The following PCCA variants were observed in gnomAD, a reference collection of about 807,000 sequenced individuals.
The protein encoded by PCCA is propionyl-CoA carboxylase subunit alpha.
PCCA carries 74 observed loss-of-function variants against 101.3 expected under a neutral mutation model. That is an observed-to-expected ratio of 0.73 (90% CI 0.61 to 0.89). The LOEUF is 0.89. PCCA is among the 40% of genes least tolerant of loss of function. The probability of loss-of-function intolerance (pLI) is 0.00; values close to 1 mark genes in which losing one functional copy is unlikely to be tolerated. For missense variants in PCCA, 891 were observed against 907.0 expected, an observed-to-expected ratio of 0.98 and a Z score of 0.23; for synonymous variants, 294 against 313.6, an observed-to-expected ratio of 0.94 and a Z score of 0.66.
intron 2 of PCCA, among the ~76,000 whole-genome samples, chr13:100,111,636 T>TTAA (rs1417296118): frequency 6.6e-6 from 1 of 152,186 alleles, no homozygotes; most frequent in Admixed American, 6.5e-5. Context: ...GTTATACTAT[T>TTAA]TAATAACCTA....
chr13:100,328,619 T>A (rs1265486196), intron 16 of PCCA, among the ~76,000 whole-genome samples: 1 of 150,900 alleles, frequency 6.6e-6, no homozygotes, highest in African/African-American at 2.4e-5. Flanking sequence ...ACTGTAGTTA[T>A]GAAAATAGGT....
At chr13:100,219,420 C>T (rs1156370450) in intron 7 of PCCA, among the ~76,000 whole-genome samples, 1 of 152,088 alleles carries the variant, frequency 6.6e-6, no homozygotes, top group African/African-American at 2.4e-5. Context: ...AGTGTTTGAT[C>T]TGGAAATTCT....
intron 21 of PCCA, among the ~76,000 whole-genome samples, chr13:100,478,508 C>T (rs890620287): frequency 6.6e-6 from 1 of 152,206 alleles, no homozygotes; most frequent in African/African-American, 2.4e-5. Flanking sequence ...GGTGGGAAGA[C>T]CTGTGTCCCC....
chr13:100,520,458 A>AC (rs1371878144), intron 22 of PCCA, among the ~76,000 whole-genome samples: 3 of 151,450 alleles, frequency 2.0e-5, no homozygotes, highest in Non-Finnish European at 4.4e-5. Context: ...CCACGGTGAA[A>AC]CCCCGTCTCT....
At chr13:100,405,920 C>T (rs944326829) in intron 19 of PCCA, among the ~76,000 whole-genome samples, 1 of 152,058 alleles carries the variant, frequency 6.6e-6, no homozygotes, top group Non-Finnish European at 1.5e-5. Flanking sequence ...GTGTGCGCCA[C>T]CATGCCCAGC....
At chr13:100,118,497 T>C (rs973246672) in intron 4 of PCCA, among the ~76,000 whole-genome samples, 3 of 152,234 alleles carry the variant, frequency 2.0e-5, no homozygotes, top group Non-Finnish European at 4.4e-5. Flanking sequence ...TATTTTCTCA[T>C]GAATAGATTC....
chr13:100,111,234 T>C (rs1184376726), intron 2 of PCCA, among the ~76,000 whole-genome samples: 3 of 137,206 alleles, frequency 2.2e-5, no homozygotes, highest in Non-Finnish European at 3.1e-5. Context: ...GGTTTCACCA[T>C]ATTGGTCAGG....
intron 5 of PCCA, among the ~76,000 whole-genome samples, chr13:100,157,004 T>C (rs1430140925): frequency 6.6e-6 from 1 of 152,200 alleles, no homozygotes; most frequent in Non-Finnish European, 1.5e-5. Context: ...CAGGAAGCTA[T>C]GTGGGCATAT....
chr13:100,331,224 A>G (rs1381210702), intron 17 of PCCA, among the ~76,000 whole-genome samples: 2 of 152,224 alleles, frequency 1.3e-5, no homozygotes, highest in Non-Finnish European at 2.9e-5. Context: ...AAAATTGCTC[A>G]TCAAATGGGA....
At position 100,236,190 on chromosome 13, in the gene PCCA, G is replaced by A. The variant is rs554639939; in HGVS notation, c.637+312G>A. Among the ~76,000 whole-genome samples, 76 of 152,304 alleles carry A rather than the reference G, an allele frequency of 5.0e-4. 1 individual carries two copies. The highest frequency in any genetic ancestry group is 6.8e-3 in the Middle Eastern group (2 of 294). On this transcript the variant is annotated intron_variant, in intron 8 of 23. Coordinates refer to ENST00000376285, the MANE Select transcript of PCCA (RefSeq NM_000282.4). Reference sequence around the variant, plus strand: ...TTTAATGTCAATTTATATGTACATAGTTGAATGTGGTTTGTTAAAATTAAG... The same window carrying A: ...TTTAATGTCAATTTATATGTACATAATTGAATGTGGTTTGTTAAAATTAAG...
At chr13:100,445,204 A>C (rs556570693) in intron 20 of PCCA, among the ~76,000 whole-genome samples, 1 of 152,138 alleles carries the variant, frequency 6.6e-6, no homozygotes, top group South Asian at 2.1e-4. Context: ...GAGGGCATTA[A>C]TCTATTCATG....
At chr13:100,190,325 TTAAAA>T (rs2057651496) in intron 6 of PCCA, among the ~76,000 whole-genome samples, 1 of 152,196 alleles carries the variant, frequency 6.6e-6, no homozygotes, top group Admixed American at 6.5e-5. Flanking sequence ...AATAGCATTA[TTAAAA>T]TAAAGAGTCA....
Position 100,425,689 on chromosome 13 carries a change from C to G in PCCA, c.1803C>G (p.Pro601=). The change falls in exon 20 of 24, where the codon CCC becomes CCG. Residue 601 remains proline (P), a synonymous_variant. Transcript: ENST00000376285. ...NVTSTWNLAS[P]LLSVSVDGTQ... is the part of the protein sequence containing the mutation. ...CCAGCACGTGGAACCTGGCTTCGCC[C>G]TTATTGTCTGTCAGCGTTGATGGCA... The G allele has an allele frequency of 3.1e-6, 5 of 1,614,122 alleles. No individual in the cohort carries two copies. Among genetic ancestry groups the G allele is most frequent in the Non-Finnish European group, 3.4e-6 (4 of 1,179,954 alleles).
At chr13:100,157,480 T>C in intron 6 of PCCA, 140 bp downstream of exon 6, 4 of 674,662 alleles carry the variant, frequency 5.9e-6, no homozygotes, top group Non-Finnish European at 1.1e-5. Flanking sequence ...ACAAGTGAAG[T>C]GGTTTTAGTC....
intron 8 of PCCA, among the ~76,000 whole-genome samples, chr13:100,241,092 A>G (rs1594885366): frequency 6.6e-6 from 1 of 152,314 alleles, no homozygotes; most frequent in Admixed American, 6.5e-5. Flanking sequence ...AAAAATTAAG[A>G]TAAATTTTTA....
At chr13:100,179,855 A>T (rs2056629262) in intron 6 of PCCA, among the ~76,000 whole-genome samples, 1 of 152,092 alleles carries the variant, frequency 6.6e-6, no homozygotes, top group Non-Finnish European at 1.5e-5. Context: ...GCACTTGGAG[A>T]TCTAGAGTAA....
intron 6 of PCCA, among the ~76,000 whole-genome samples, chr13:100,206,517 C>T (rs1264564374): frequency 6.6e-6 from 1 of 152,150 alleles, no homozygotes; most frequent in Non-Finnish European, 1.5e-5. Flanking sequence ...GCCTTGGCCT[C>T]CCAAAGTGCT....
chr13:100,512,442 G>A (rs1412459853), intron 21 of PCCA, among the ~76,000 whole-genome samples: 1 of 152,194 alleles, frequency 6.6e-6, no homozygotes, highest in African/African-American at 2.4e-5. Context: ...GAGAGCAACT[G>A]TTCTGTTCTC....
chr13:100,440,160 A>ATATATATATATATATATATATT (rs2080244236), intron 20 of PCCA, among the ~76,000 whole-genome samples: 1 of 2,322 alleles, frequency 4.3e-4, no homozygotes, highest in Non-Finnish European at 8.9e-4. Context: ...ATTAAATTAT[A>ATATATATATATATATATATATT]TATATATATA....
Sources: allele counts gnomAD v4.1 joint callset (sites outside exome capture counted in the v4.1 genomes callset), GRCh38; gene constraint gnomAD v4.1.1; transcripts MANE v1.5; gene names NCBI Gene and HGNC (gene_info 2026-07-23, HGNC 2026-07-21).